Variants in OCA2 observed in about 807,000 individuals in gnomAD.
OCA2 encodes the protein P protein.
In OCA2, 77 loss-of-function variants were observed where a neutral mutation model predicts 100.2. That is an observed-to-expected ratio of 0.77 (90% confidence interval 0.64 to 0.93). The LOEUF is 0.93. Ranked by LOEUF, OCA2 falls within the 40% of genes least tolerant of loss-of-function variation. The pLI, the probability that OCA2 is intolerant of heterozygous loss-of-function variation, is 0.00. For missense variants in OCA2, 1,062 were observed against 1,089.1 expected (o/e 0.98, Z 0.35); for synonymous variants, 432 against 439.2 (o/e 0.98, Z 0.21).
At chr15:27,891,279 C>T (rs950782447) in intron 19 of OCA2, among the ~76,000 whole-genome samples, 31 of 152,114 alleles carry the variant, frequency 2.0e-4, no homozygotes, top group African/African-American at 6.8e-4. Flanking sequence ...TGAGCAACCA[C>T]TCCAAAACTA....
intron 1 of OCA2, chr15:28,098,966 C>G (rs2045034935): frequency 6.5e-6 from 1 of 152,716 alleles, no homozygotes; most frequent in Non-Finnish European, 1.5e-5. Context: ...CATGGCCCAC[C>G]AGGGGGCGAC....
At chr15:27,734,762 C>G in the OCA2 span, among the ~76,000 whole-genome samples, 1 of 152,220 alleles carries the variant, frequency 6.6e-6, no homozygotes, top group Non-Finnish European at 1.5e-5. Context: ...CACCAAAAGT[C>G]AGGTCCACCC....
At chr15:27,792,873 G>A (rs1212577054) in intron 23 of OCA2, among the ~76,000 whole-genome samples, 3 of 152,238 alleles carry the variant, frequency 2.0e-5, no homozygotes, top group Admixed American at 1.3e-4. Flanking sequence ...AAACAGGAGA[G>A]CAGAGGGGAA....
At chr15:27,908,617 GAC>G (rs1567091241) in intron 19 of OCA2, among the ~76,000 whole-genome samples, 2 of 151,264 alleles carry the variant, frequency 1.3e-5, no homozygotes, top group Non-Finnish European at 3.0e-5. Context: ...AAGGGGAAAA[GAC>G]GAATGTGGAG....
At chr15:27,904,231 C>T (rs2038080948) in intron 19 of OCA2, among the ~76,000 whole-genome samples, 1 of 152,188 alleles carries the variant, frequency 6.6e-6, no homozygotes. Flanking sequence ...ATCCACCCGA[C>T]CCAGCCCCAG....
chr15:27,949,886 T>C (rs527429164), intron 18 of OCA2, among the ~76,000 whole-genome samples: 1 of 152,266 alleles, frequency 6.6e-6, no homozygotes, highest in East Asian at 1.9e-4. Context: ...CCTATCTTGA[T>C]AAATATGCAG....
intron 2 of OCA2, among the ~76,000 whole-genome samples, chr15:28,074,673 C>CAAAAAA (rs1172821817): frequency 1.5e-5 from 1 of 66,946 alleles, no homozygotes; most frequent in Non-Finnish European, 3.6e-5. Context: ...GACTCCGTCT[C>CAAAAAA]AAAAAAAAAA....
chr15:28,009,728 A>AC (rs71132831), intron 9 of OCA2, among the ~76,000 whole-genome samples: 14 of 150,724 alleles, frequency 9.3e-5, no homozygotes, highest in Non-Finnish European at 1.8e-4. Flanking sequence ...ACACACACAC[A>AC]AAGTCAACAA....
At position 27,961,345 on chromosome 15, in the gene OCA2, T is replaced by C. The variant is rs556222261; in HGVS notation, c.1637-3610A>G. ...GAGAAATAGGAATGCTTTTACACTG[T>C]TGGTGGAACTGTAAACTAGTTCAGC... On this transcript the variant is annotated intron_variant, in intron 15 of 23. Transcript: ENST00000354638. Among the ~76,000 whole-genome samples, 41 of 152,290 alleles carry C rather than the reference T, an allele frequency of 2.7e-4. 1 individual carries two copies. In the South Asian group the frequency reaches 8.3e-3, roughly 31 times the overall value.
chr15:27,756,692 C>G (rs371857844), intron 23 of OCA2, among the ~76,000 whole-genome samples: 65 of 152,314 alleles, frequency 4.3e-4, no homozygotes, highest in African/African-American at 1.5e-3. Context: ...AGCACAAAGC[C>G]TTCGTTCCTC....
intron 21 of OCA2, among the ~76,000 whole-genome samples, chr15:27,863,832 T>C (rs8033824): frequency 0.016 from 2,397 of 152,346 alleles, 56 homozygotes; most frequent in African/African-American, 0.05. Flanking sequence ...GAAAACATTA[T>C]AGGTTTTAGT....
chr15:27,923,192 C>T (rs1158987645), intron 19 of OCA2, among the ~76,000 whole-genome samples: 1 of 152,134 alleles, frequency 6.6e-6, no homozygotes, highest in Non-Finnish European at 1.5e-5. Context: ...TATGTTTATA[C>T]ATATACTTTA....
chr15:28,093,248 C>G (rs990533177), intron 1 of OCA2, among the ~76,000 whole-genome samples: 2 of 152,016 alleles, frequency 1.3e-5, no homozygotes, highest in Non-Finnish European at 2.9e-5. Flanking sequence ...ATGGTGTAAC[C>G]TCGCCTCTAC....
intron 23 of OCA2, among the ~76,000 whole-genome samples, chr15:27,811,366 A>C (rs7161969): frequency 6.6e-6 from 1 of 151,868 alleles, no homozygotes; most frequent in African/African-American, 2.4e-5. Context: ...TCAGAATGGG[A>C]AGGGTGAGAG....
Position 27,957,019 on chromosome 15 carries a change from G to A in OCA2, c.1784+569C>T, listed in dbSNP as rs2040245217. The stretch of plus-strand genomic sequence containing the variant: ...TCCCTTGGGGGGCCACCAGGCTCCT[G>A]CTTCTTCTGTCTGAGCTTCCAGAAC... On this transcript the variant is annotated intron_variant, in intron 16 of 23. Transcript: ENST00000354638. The surrounding 1 kb of genome is among the most constrained non-coding windows in gnomAD (Gnocchi z 4.3). 6.6e-6 allele frequency among the ~76,000 whole-genome samples: 1 copy of A among 152,228 alleles called. No homozygotes were observed. The highest frequency in any genetic ancestry group is 2.1e-4 in the South Asian group (1 of 4,832).
At chr15:27,991,341 TAAC>T (rs1165274108) in intron 9 of OCA2, among the ~76,000 whole-genome samples, 3 of 152,174 alleles carry the variant, frequency 2.0e-5, no homozygotes, top group Admixed American at 1.3e-4. Context: ...CTGATGCTCA[TAAC>T]AACATTATAC....
intron 19 of OCA2, 109 bp downstream of exon 19, chr15:27,926,018 G>A (rs2039028621): frequency 8.4e-6 from 11 of 1,305,566 alleles, no homozygotes; most frequent in Non-Finnish European, 1.2e-5. Flanking sequence ...TTTCCACTTA[G>A]AGAATATAAG....
chr15:27,986,897 C>A (rs914101991), intron 11 of OCA2, among the ~76,000 whole-genome samples: 1 of 152,204 alleles, frequency 6.6e-6, no homozygotes, highest in Admixed American at 6.5e-5. Context: ...ACATTACCAT[C>A]CCATCTGATC....
intron 15 of OCA2, among the ~76,000 whole-genome samples, chr15:27,962,354 T>C (rs1393257629): frequency 6.6e-6 from 1 of 152,226 alleles, no homozygotes; most frequent in African/African-American, 2.4e-5. Flanking sequence ...CTTACCTCTC[T>C]ATCAGCCTCT....
Sources: allele counts gnomAD v4.1 joint callset (sites outside exome capture counted in the v4.1 genomes callset), GRCh38; gene constraint gnomAD v4.1.1; non-coding constraint Gnocchi (gnomAD v3.1); transcripts MANE v1.5; gene names NCBI Gene and HGNC (gene_info 2026-07-23, HGNC 2026-07-21).